ACBD3: variants seen among roughly 807,000 people sequenced by gnomAD.
The protein encoded by ACBD3 is Golgi resident protein GCP60.
In ACBD3, 30 loss-of-function variants were observed where a neutral mutation model predicts 66.9. The ratio of observed to expected loss-of-function variants is 0.45; its 90% CI spans 0.34 to 0.61. The LOEUF (loss-of-function observed/expected upper bound fraction) is 0.61, where lower values mean the gene tolerates loss of function less well. ACBD3 is among the 20% of genes least tolerant of loss of function. The pLI is 0.02. For missense variants in ACBD3, 544 were observed against 664.5 expected, an observed-to-expected ratio of 0.82 and a Z score of 1.99; for synonymous variants, 278 against 259.8, an observed-to-expected ratio of 1.07 and a Z score of -0.68.
intron 1 of ACBD3, among the ~76,000 whole-genome samples, 195 bp downstream of exon 1, chr1:226,186,195 T>C (rs1267912214): frequency 2.0e-5 from 3 of 152,156 alleles, no homozygotes; most frequent in Non-Finnish European, 4.4e-5. Flanking sequence ...TGCAGGCCCG[T>C]CAGGGGTGTG....
At position 226,180,796 on chromosome 1, in the gene ACBD3, C is replaced by T. The variant is rs945501565; in HGVS notation, c.286+5594G>A. Among the ~76,000 whole-genome samples, 5 of 151,982 alleles carry T rather than the reference C, an allele frequency of 3.3e-5. No homozygotes were observed. The East Asian group carries it at 5.8e-4, about 18-fold the overall frequency. On this transcript the variant is annotated intron_variant, in intron 1 of 7. Coordinates refer to ENST00000366812, the MANE Select transcript of ACBD3 (RefSeq NM_022735.4). Reference sequence around the variant, plus strand: ...GGTGGATTACCTGAGGTCAGGAGCTCGAGACCAGCCTGACTAACATGGTGA... The same window carrying T: ...GGTGGATTACCTGAGGTCAGGAGCTTGAGACCAGCCTGACTAACATGGTGA...
intron 1 of ACBD3, among the ~76,000 whole-genome samples, chr1:226,179,444 C>T (rs921153587): frequency 1.3e-5 from 2 of 152,194 alleles, no homozygotes; most frequent in African/African-American, 4.8e-5. Flanking sequence ...CTCTCTTTCC[C>T]TCATCCTAGT....
chr1:226,152,480 A>G lies in ACBD3; in HGVS notation c.1230T>C (p.His410=), dbSNP rs200054927. The part of the protein sequence containing the change: ...GEVVTVRVPT[H]EEGSYLFWEF... ...CCCAAAAGAGATATGATCCTTCTTC[A>G]TGGGTGGGTACTCGAACAGTGACCA... The change falls in exon 7 of 8, where the codon CAT becomes CAC. Residue 410 remains histidine (H), a synonymous_variant. Coordinates refer to ENST00000366812, the MANE Select transcript of ACBD3 (RefSeq NM_022735.4). The G allele has an allele frequency of 2.1e-5, 34 of 1,614,068 alleles. No individual in the cohort carries two copies. The highest frequency in any genetic ancestry group is 2.6e-5 in the Non-Finnish European group (31 of 1,180,052).
intron 1 of ACBD3, among the ~76,000 whole-genome samples, chr1:226,175,564 G>A (rs1028653546): frequency 4.0e-5 from 6 of 151,734 alleles, no homozygotes; most frequent in African/African-American, 1.5e-4. Context: ...AAAACAAACA[G>A]CAGACAACAA....
chr1:226,156,896 T>G (rs1362254011), intron 5 of ACBD3, among the ~76,000 whole-genome samples: 4 of 152,168 alleles, frequency 2.6e-5, no homozygotes, highest in Non-Finnish European at 5.9e-5. Flanking sequence ...CCACTAATCC[T>G]TTCTTGAAAG....
At chr1:226,160,388 C>A (rs906043121) in intron 4 of ACBD3, among the ~76,000 whole-genome samples, 1 of 152,076 alleles carries the variant, frequency 6.6e-6, no homozygotes, top group African/African-American at 2.4e-5. Context: ...GCCACCACAG[C>A]CAGCAACCAC....
At chr1:226,172,155 C>CAAAAAAA (rs779380166) in intron 1 of ACBD3, among the ~76,000 whole-genome samples, 3 of 43,220 alleles carry the variant, frequency 6.9e-5, no homozygotes, top group East Asian at 1.5e-3. Context: ...AACTCCATCT[C>CAAAAAAA]AAAAAAAAAA....
At chr1:226,160,607 T>C (rs569272335) in intron 4 of ACBD3, among the ~76,000 whole-genome samples, 2 of 152,306 alleles carry the variant, frequency 1.3e-5, no homozygotes, top group East Asian at 3.9e-4. Context: ...ACTAAACCTT[T>C]TTCTGAGGAA....
chr1:226,180,380 T>TC (rs1396916631), intron 1 of ACBD3, among the ~76,000 whole-genome samples: 1 of 152,144 alleles, frequency 6.6e-6, no homozygotes, highest in African/African-American at 2.4e-5. Flanking sequence ...AGCCAGGCAT[T>TC]CTGCTAAGAG....
chr1:226,175,774 A>T (rs1428413325), intron 1 of ACBD3, among the ~76,000 whole-genome samples: 3 of 152,204 alleles, frequency 2.0e-5, no homozygotes, highest in African/African-American at 7.2e-5. Context: ...AGAAAACAGG[A>T]TGACTATTTT....
At chr1:226,169,091 G>A (rs1258647753) in intron 1 of ACBD3, among the ~76,000 whole-genome samples, 1 of 152,082 alleles carries the variant, frequency 6.6e-6, no homozygotes, top group Non-Finnish European at 1.5e-5. Flanking sequence ...TCCAACTTCT[G>A]ACCTCAGGTG....
At position 226,165,916 on chromosome 1, in the gene ACBD3, T is replaced by TA. The variant is rs1229099714; in HGVS notation, c.370dup (p.Tyr124LeufsTer2). ...AACCTCAGGACAAGTGTCTGGATTATATGGGCCCATAAGAACTTGCTTATG... is the reference window on the plus strand; with the variant it reads ...AACCTCAGGACAAGTGTCTGGATTATAATGGGCCCATAAGAACTTGCTTATG... On this transcript the variant is annotated frameshift_variant, in exon 2 of 8. Transcript: ENST00000366812. LOFTEE classifies it high-confidence loss of function. 6.2e-7 allele frequency: 1 copy of TA among 1,613,668 alleles called. No homozygotes were observed. The highest frequency in any genetic ancestry group is 1.7e-5 in the Admixed American group (1 of 59,910).
chr1:226,186,726 C>T lies in ACBD3; in HGVS notation c.-51G>A, dbSNP rs1465411758. ...GGGACAGACGGCAGCCACGTATCGA[C>T]TTCCTGCTGACCTCTGACCTCCGCT... On this transcript the variant is annotated 5_prime_UTR_variant, in exon 1 of 8. Transcript: ENST00000366812. The T allele has an allele frequency of 2.1e-6, 3 of 1,430,994 alleles. No homozygotes were observed. Among genetic ancestry groups the T allele is most frequent in the Non-Finnish European group, 2.7e-6 (3 of 1,094,910 alleles). 88.6% of individuals were successfully genotyped at this position (1,430,994 alleles called of 1,614,324 possible).
At chr1:226,172,170 AG>A (rs1558129664) in intron 1 of ACBD3, among the ~76,000 whole-genome samples, 21 of 125,636 alleles carry the variant, frequency 1.7e-4, no homozygotes, top group South Asian at 8.2e-4. Flanking sequence ...AAAAAAAAAA[AG>A]AGGAATACAT....
intron 5 of ACBD3, among the ~76,000 whole-genome samples, chr1:226,155,936 A>G (rs766368718): frequency 4.9e-4 from 75 of 152,360 alleles, no homozygotes; most frequent in Admixed American, 1.1e-3. Context: ...TCTTAAATCC[A>G]AAGGACTATT....
At chr1:226,178,538 G>GCA (rs1222625532) in intron 1 of ACBD3, among the ~76,000 whole-genome samples, 1 of 124,958 alleles carries the variant, frequency 8.0e-6, no homozygotes, top group African/African-American at 3.1e-5. Flanking sequence ...TTGCGCCACT[G>GCA]CACTCCATCC....
intron 1 of ACBD3, among the ~76,000 whole-genome samples, chr1:226,175,504 A>C (rs1356552903): frequency 6.6e-6 from 1 of 152,246 alleles, no homozygotes; most frequent in African/African-American, 2.4e-5. Flanking sequence ...TTTGCACAAG[A>C]ACAAAAATGT....
intron 7 of ACBD3, among the ~76,000 whole-genome samples, chr1:226,148,405 TA>T (rs1659498456): frequency 6.6e-6 from 1 of 152,234 alleles, no homozygotes; most frequent in African/African-American, 2.4e-5. Flanking sequence ...CTTATAAAGG[TA>T]GGTCAAAACC....
At chr1:226,185,455 A>G (rs1389214734) in intron 1 of ACBD3, among the ~76,000 whole-genome samples, 1 of 152,184 alleles carries the variant, frequency 6.6e-6, no homozygotes, top group African/African-American at 2.4e-5. Context: ...CGTGGAACCT[A>G]GCAACCACTT....
Sources: gnomAD v4.1 joint callset for allele counts (sites outside exome capture counted in the v4.1 genomes callset) on GRCh38, gnomAD v4.1.1 for gene constraint, MANE v1.5 for transcripts, NCBI Gene and HGNC (gene_info 2026-07-23, HGNC 2026-07-21) for gene names.